The following DAB1 variants were observed in gnomAD, a reference collection of about 807,000 sequenced individuals.
The protein encoded by DAB1 is DAB adaptor protein 1.
A neutral mutation model predicts 64.6 loss-of-function variants in DAB1; 15 were observed. The ratio of observed to expected loss-of-function variants is 0.23; its 90% confidence interval spans 0.16 to 0.36. The LOEUF is 0.36. Ranked by LOEUF, DAB1 falls within the 10% of genes least tolerant of loss-of-function variation. DAB1 has a pLI of 1.00. For synonymous variants in DAB1, 235 were observed against 251.9 expected, an observed-to-expected ratio of 0.93 and a Z score of 0.64; for missense variants, 596 against 706.7, an observed-to-expected ratio of 0.84 and a Z score of 1.78.
intron 5 of DAB1, among the ~76,000 whole-genome samples, chr1:57,942,241 T>C (rs1252145693): frequency 2.0e-5 from 3 of 152,116 alleles, no homozygotes; most frequent in Non-Finnish European, 2.9e-5. Flanking sequence ...AGTCAGTCAG[T>C]TGGTCAGTCA....
chr1:57,053,595 C>T lies in DAB1; in HGVS notation c.723+9289G>A, dbSNP rs554468370. Among the ~76,000 whole-genome samples the T allele has an allele frequency of 9.6e-5, 14 of 145,580 alleles. 1 individual carries two copies. In the East Asian group the frequency reaches 1.2e-3, roughly 13 times the overall value. On this transcript the variant is annotated intron_variant, in intron 9 of 14. Coordinates refer to ENST00000371236, the MANE Select transcript of DAB1 (RefSeq NM_001365792.1). ...TAATGTCAAATCCAACTGATCAATTCGACAATCTCTGTCTTTCCTATTTAC... is the reference window on the plus strand; with the variant it reads ...TAATGTCAAATCCAACTGATCAATTTGACAATCTCTGTCTTTCCTATTTAC...
intron 2 of DAB1, among the ~76,000 whole-genome samples, chr1:57,286,953 AT>A (rs1210606316): frequency 6.6e-6 from 1 of 151,212 alleles, no homozygotes; most frequent in Non-Finnish European, 1.5e-5. Flanking sequence ...AAGAGGAAAA[AT>A]ATGTATAATC....
rs543570987 is a variant in DAB1 at position 58,372,645 on chromosome 1, A to C, written n.258-29242T>G. ...ATCTCTCCACCCAAAGCTCATCTTG[A>C]ATTATAATCCAAATTGTAATCCCCA... is the stretch of plus-strand genomic sequence containing the variant. On this transcript the variant is annotated intron_variant and non_coding_transcript_variant, in intron 3 of 20. Transcript: ENST00000485760. Among the ~76,000 whole-genome samples the C allele has an allele frequency of 1.9e-3, 289 of 152,328 alleles. 11 individuals are homozygous for C. The South Asian group carries it at 0.054, about 28-fold the overall frequency.
At chr1:57,825,339 A>G (rs1039659775), downstream of DAB1, among the ~76,000 whole-genome samples, 1 of 152,222 alleles carries the variant, frequency 6.6e-6, no homozygotes, top group Non-Finnish European at 1.5e-5. Context: ...AAATTCAAAA[A>G]TATGACCCTT....
intron 1 of DAB1, chr1:58,533,954 G>A (rs756141539): frequency 3.4e-6 from 3 of 871,944 alleles, no homozygotes; most frequent in Non-Finnish European, 4.0e-6. Flanking sequence ...GGTACTTACA[G>A]CATGCCCAAG....
chr1:58,171,499 A>T (rs1326879447), intron 4 of DAB1, among the ~76,000 whole-genome samples: 1 of 152,230 alleles, frequency 6.6e-6, no homozygotes, highest in Admixed American at 6.5e-5. Context: ...CTCCATATCC[A>T]GTTGTACTCA....
chr1:57,435,916 C>CTT (rs1183686656), intron 7 of DAB1, among the ~76,000 whole-genome samples: 94 of 127,172 alleles, frequency 7.4e-4, no homozygotes, highest in Non-Finnish European at 9.1e-4. Flanking sequence ...TTTTTTCTTT[C>CTT]TTTTTTTTTT....
intron 1 of DAB1, among the ~76,000 whole-genome samples, chr1:57,379,067 T>C (rs531790266): frequency 1.8e-4 from 28 of 152,230 alleles, no homozygotes; most frequent in Admixed American, 3.9e-4. Context: ...GTGCTGTGGG[T>C]AAACCTAGGG....
chr1:57,833,978 C>T (rs918991757), intron 1 of DAB1, among the ~76,000 whole-genome samples: 1 of 152,098 alleles, frequency 6.6e-6, no homozygotes, highest in Non-Finnish European at 1.5e-5. Context: ...TATCTGTGTA[C>T]AATATTTGTA....
At chr1:57,470,556 T>C (rs1282928635) in intron 7 of DAB1, among the ~76,000 whole-genome samples, 1 of 152,160 alleles carries the variant, frequency 6.6e-6, no homozygotes, top group East Asian at 1.9e-4. Flanking sequence ...TGGTTACTTG[T>C]GTATCATGAA....
chr1:57,883,658 T>G (rs1415741798), intron 1 of DAB1, among the ~76,000 whole-genome samples: 1 of 152,236 alleles, frequency 6.6e-6, no homozygotes, highest in South Asian at 2.1e-4. Flanking sequence ...TATTTCTGTT[T>G]CTGTGAACAT....
intron 5 of DAB1, among the ~76,000 whole-genome samples, chr1:58,030,345 T>C (rs972687285): frequency 6.6e-6 from 1 of 152,230 alleles, no homozygotes; most frequent in Admixed American, 6.5e-5. Context: ...TTGAGTAATT[T>C]GTATTTATTT....
intron 3 of DAB1, among the ~76,000 whole-genome samples, chr1:58,451,794 C>T (rs752712533): frequency 1.4e-4 from 22 of 152,048 alleles, no homozygotes; most frequent in South Asian, 6.2e-4. Flanking sequence ...AGAAAACAAA[C>T]GACAAGTTAA....
At chr1:57,743,295 A>AT (rs1380370637) in intron 6 of DAB1, among the ~76,000 whole-genome samples, 5 of 152,194 alleles carry the variant, frequency 3.3e-5, no homozygotes, top group Non-Finnish European at 7.3e-5. Context: ...TAACTGATCA[A>AT]TGTACTTTGT....
intron 2 of DAB1, among the ~76,000 whole-genome samples, chr1:57,255,174 G>T (rs971195866): frequency 2.6e-4 from 40 of 152,238 alleles, no homozygotes; most frequent in African/African-American, 9.4e-4. Flanking sequence ...ACAACTCACT[G>T]CTTCTCCAAG....
intron 1 of DAB1, among the ~76,000 whole-genome samples, chr1:57,405,843 T>G (rs905164080): frequency 1.3e-5 from 2 of 152,214 alleles, no homozygotes; most frequent in Admixed American, 6.5e-5. Context: ...ATATATTTCT[T>G]CTTAGATTGC....
chr1:57,516,848 C>T (rs1644469184), intron 7 of DAB1, among the ~76,000 whole-genome samples: 1 of 152,174 alleles, frequency 6.6e-6, no homozygotes, highest in Non-Finnish European at 1.5e-5. Context: ...ACTTCAAGTC[C>T]AGCTGCAAGT....
chr1:57,442,342 T>G (rs991464147), intron 7 of DAB1, among the ~76,000 whole-genome samples: 4 of 152,218 alleles, frequency 2.6e-5, no homozygotes, highest in Admixed American at 6.5e-5. Flanking sequence ...ATTTCTCTCT[T>G]TGATTCAATC....
chr1:57,143,507 AT>A (rs774668890), intron 3 of DAB1, among the ~76,000 whole-genome samples: 10 of 152,196 alleles, frequency 6.6e-5, no homozygotes, highest in Non-Finnish European at 1.0e-4. Flanking sequence ...GATGTCTTTT[AT>A]GCCTTTTTCT....
Sources: allele counts gnomAD v4.1 joint callset (sites outside exome capture counted in the v4.1 genomes callset), GRCh38; gene constraint gnomAD v4.1.1; transcripts MANE v1.5; gene names NCBI Gene and HGNC (gene_info 2026-07-23, HGNC 2026-07-21).